ROR1: variants seen among roughly 807,000 people sequenced by gnomAD.
The protein encoded by ROR1 is ROR family WNT receptor 1.
A neutral mutation model predicts 78.8 loss-of-function variants in ROR1; 19 were observed. The observed-to-expected ratio is 0.24, with a 90% CI of 0.17 to 0.35. ROR1 has a LOEUF of 0.35. ROR1 is among the 10% of genes least tolerant of loss of function. ROR1 has a pLI of 1.00. For synonymous variants in ROR1, 386 were observed against 433.6 expected, an observed-to-expected ratio of 0.89 and a Z score of 1.36; for missense variants, 917 against 1,177.8, an observed-to-expected ratio of 0.78 and a Z score of 3.24.
chr1:64,039,069 A>C (rs576438869), intron 2 of ROR1, among the ~76,000 whole-genome samples: 2 of 152,368 alleles, frequency 1.3e-5, no homozygotes, highest in African/African-American at 2.4e-5. Context: ...TTCATGAGAG[A>C]GAACATTCAA....
intron 1 of ROR1, among the ~76,000 whole-genome samples, chr1:63,803,186 A>G (rs147315125): frequency 1.5e-4 from 23 of 152,292 alleles, no homozygotes; most frequent in Non-Finnish European, 3.1e-4. Context: ...ACAAGCCTCT[A>G]ATACTTTGGG....
intron 4 of ROR1, among the ~76,000 whole-genome samples, chr1:64,070,190 G>A (rs1646991800): frequency 6.6e-6 from 1 of 152,188 alleles, no homozygotes; most frequent in Admixed American, 6.5e-5. Context: ...AGCATAATGT[G>A]TTCAAGGTTC....
intron 1 of ROR1, among the ~76,000 whole-genome samples, chr1:63,799,980 CA>C (rs1644785822): frequency 6.6e-6 from 1 of 152,136 alleles, no homozygotes. Flanking sequence ...AGAAGAAAAT[CA>C]GTATAAAATG....
chr1:63,872,328 C>T (rs1645257310), intron 1 of ROR1, among the ~76,000 whole-genome samples: 1 of 152,166 alleles, frequency 6.6e-6, no homozygotes, highest in Non-Finnish European at 1.5e-5. Context: ...AGCAGCAAGG[C>T]ATAGTAGAAA....
chr1:64,130,532 G>A (rs1387014361), intron 4 of ROR1, among the ~76,000 whole-genome samples: 1 of 152,094 alleles, frequency 6.6e-6, no homozygotes, highest in African/African-American at 2.4e-5. Flanking sequence ...CCTGTCCAGA[G>A]ATGCTCCCTC....
intron 1 of ROR1, chr1:63,788,903 GT>G: frequency 2.3e-6 from 2 of 882,942 alleles, no homozygotes; most frequent in Non-Finnish European, 3.6e-6. Context: ...AGAATCGCTT[GT>G]TTTTGAACAC....
intron 4 of ROR1, among the ~76,000 whole-genome samples, chr1:64,099,562 T>C (rs1647437131): frequency 6.6e-6 from 1 of 152,214 alleles, no homozygotes; most frequent in Non-Finnish European, 1.5e-5. Flanking sequence ...ATAAAATGTT[T>C]ATATTTTCTA....
intron 1 of ROR1, among the ~76,000 whole-genome samples, chr1:63,928,486 A>G (rs564661975): frequency 8.7e-4 from 132 of 152,336 alleles, no homozygotes; most frequent in African/African-American, 3.1e-3. Flanking sequence ...AGACGCTAAT[A>G]TGGTTATTAG....
At chr1:63,927,424 G>T (rs1645713926) in intron 1 of ROR1, among the ~76,000 whole-genome samples, 1 of 146,982 alleles carries the variant, frequency 6.8e-6, no homozygotes, top group African/African-American at 2.5e-5. Flanking sequence ...GTATTTTATT[G>T]AGGATTTTTG....
At chr1:64,038,374 C>A (rs1646720232) in intron 2 of ROR1, among the ~76,000 whole-genome samples, 1 of 152,136 alleles carries the variant, frequency 6.6e-6, no homozygotes. Context: ...TTTCTCCACC[C>A]TATCTTGTGA....
chr1:63,973,003 C>T (rs1423318098), intron 1 of ROR1, among the ~76,000 whole-genome samples: 1 of 152,260 alleles, frequency 6.6e-6, no homozygotes, highest in Non-Finnish European at 1.5e-5. Context: ...GGTGCCCACG[C>T]TTCTGAGGCA....
chr1:64,164,041 T>A (rs555783797), intron 8 of ROR1, among the ~76,000 whole-genome samples: 787 of 42,718 alleles, frequency 0.018, 9 homozygotes, highest in African/African-American at 0.033. Context: ...TGAAATATAT[T>A]TTTTTTTCCC....
At chr1:64,006,925 C>T (rs1646432233) in intron 1 of ROR1, among the ~76,000 whole-genome samples, 1 of 152,180 alleles carries the variant, frequency 6.6e-6, no homozygotes, top group South Asian at 2.1e-4. Context: ...CAAGCTTAGT[C>T]AGTGACGATG....
intron 1 of ROR1, among the ~76,000 whole-genome samples, chr1:63,817,608 A>G (rs1046981938): frequency 7.9e-5 from 12 of 152,152 alleles, no homozygotes; most frequent in Admixed American, 7.9e-4. Flanking sequence ...ATTGTCTTTA[A>G]TAAGAGGCCA....
At chr1:64,121,059 CTTTTTTTTTTTTTTTTTTTTTTTTTTT>C (rs200292093) in intron 4 of ROR1, among the ~76,000 whole-genome samples, 2 of 82,020 alleles carry the variant, frequency 2.4e-5, no homozygotes, top group Non-Finnish European at 4.4e-5. Flanking sequence ...GGAGATACCC[CTTTTTTTTTTTTTTTTTTTTTTTTTTT>C]TTTTTTTTTT....
chr1:63,879,025 T>C (rs1435279822), intron 1 of ROR1, among the ~76,000 whole-genome samples: 2 of 152,050 alleles, frequency 1.3e-5, no homozygotes, highest in African/African-American at 2.4e-5. Context: ...GAAAGGACAA[T>C]TTAAAGGAAA....
At chr1:64,008,586 A>G (rs1422123615) in intron 1 of ROR1, among the ~76,000 whole-genome samples, 1 of 152,146 alleles carries the variant, frequency 6.6e-6, no homozygotes, top group Admixed American at 6.6e-5. Context: ...CCAACAGTGT[A>G]TTAGCATTCC....
At chr1:63,799,921 C>G (rs140891230) in intron 1 of ROR1, among the ~76,000 whole-genome samples, 78 of 152,280 alleles carry the variant, frequency 5.1e-4, no homozygotes, top group Non-Finnish European at 8.7e-4. Context: ...TTTATTAGAT[C>G]TGTATGGATC....
chr1:63,913,819 A>G (rs1271876651), intron 1 of ROR1, among the ~76,000 whole-genome samples: 1 of 152,192 alleles, frequency 6.6e-6, no homozygotes, highest in Middle Eastern at 3.2e-3. Context: ...GACCAAGGTG[A>G]TTCGCACTGG....
Sources: gnomAD v4.1 joint callset for allele counts (sites outside exome capture counted in the v4.1 genomes callset) on GRCh38, gnomAD v4.1.1 for gene constraint, MANE v1.5 for transcripts, NCBI Gene and HGNC (gene_info 2026-07-23, HGNC 2026-07-21) for gene names.